DOCK5: variants seen among roughly 807,000 people sequenced by gnomAD.
DOCK5 encodes dedicator of cytokinesis 5, also known as dedicator of cytokinesis protein 5.
A neutral mutation model predicts 251.8 loss-of-function variants in DOCK5; 142 were observed. The observed-to-expected ratio is 0.56, with a 90% CI of 0.49 to 0.65. The LOEUF (loss-of-function observed/expected upper bound fraction) is 0.65. DOCK5 is among the 30% of genes least tolerant of loss of function. The pLI, the probability that DOCK5 is intolerant of heterozygous loss-of-function variation, is 0.00. For missense variants in DOCK5, 2,111 were observed against 2,312.3 expected, an observed-to-expected ratio of 0.91 and a Z score of 1.79; for synonymous variants, 842 against 835.5, an observed-to-expected ratio of 1.01 and a Z score of -0.13.
At chr8:25,380,472 G>T in intron 39 of DOCK5, 78 bp downstream of exon 39, 3 of 1,246,232 alleles carry the variant, frequency 2.4e-6, no homozygotes, top group African/African-American at 3.0e-5. Context: ...TCCGTAAGTT[G>T]AAAGTCAGGA....
chr8:25,379,126 T>C (rs1801019327), intron 38 of DOCK5, among the ~76,000 whole-genome samples: 2 of 152,198 alleles, frequency 1.3e-5, no homozygotes, highest in African/African-American at 4.8e-5. Flanking sequence ...TGTTCAGCGG[T>C]GCACGTATAG....
chr8:25,314,108 CTTTTTTTTTTT>C (rs71214561), intron 13 of DOCK5, among the ~76,000 whole-genome samples: 1 of 115,246 alleles, frequency 8.7e-6, no homozygotes, highest in African/African-American at 3.4e-5. Context: ...GGACTCCCCT[CTTTTTTTTTTT>C]TTTTTTTTTG....
intron 1 of DOCK5, among the ~76,000 whole-genome samples, chr8:25,226,616 C>T (rs796632898): frequency 8.1e-5 from 12 of 147,436 alleles, no homozygotes; most frequent in African/African-American, 2.6e-4. Context: ...GAGAGAGTCT[C>T]GCTGTGTTCC....
chr8:25,276,737 A>G (rs761548906), intron 4 of DOCK5, among the ~76,000 whole-genome samples: 9 of 152,176 alleles, frequency 5.9e-5, no homozygotes, highest in Non-Finnish European at 7.3e-5. Flanking sequence ...TAGAATGGCA[A>G]TTCCACTTAA....
intron 2 of DOCK5, among the ~76,000 whole-genome samples, chr8:25,255,439 A>G (rs1606035): frequency 0.17 from 25,559 of 152,158 alleles, 2,361 homozygotes; most frequent in Admixed American, 0.25. Context: ...AAAAGAGTCA[A>G]TCCACATGAT....
intron 17 of DOCK5, 119 bp downstream of exon 17, chr8:25,324,070 A>G (rs1001775304): frequency 5.2e-6 from 6 of 1,158,494 alleles, no homozygotes; most frequent in Non-Finnish European, 7.2e-6. Context: ...GTACTTGCCC[A>G]TTAACATCTA....
At chr8:25,338,847 G>A (rs1037673808) in intron 22 of DOCK5, among the ~76,000 whole-genome samples, 1 of 152,234 alleles carries the variant, frequency 6.6e-6, no homozygotes, top group South Asian at 2.1e-4. Flanking sequence ...ATTTTCTTAT[G>A]GATGGTTCAC....
At chr8:25,384,464 T>TTTA (rs1554504700) in intron 40 of DOCK5, among the ~76,000 whole-genome samples, 2 of 81,180 alleles carry the variant, frequency 2.5e-5, no homozygotes, top group African/African-American at 7.5e-5. Context: ...TATTTATTTA[T>TTTA]TTTTTTTTTT....
intron 40 of DOCK5, among the ~76,000 whole-genome samples, chr8:25,387,617 A>C (rs1346395833): frequency 6.6e-6 from 1 of 151,946 alleles, no homozygotes; most frequent in Non-Finnish European, 1.5e-5. Context: ...GCCTTCCAGA[A>C]CCTCCAGTGA....
Position 25,390,171 on chromosome 8 carries a change from C to T in DOCK5, c.4274-35C>T, listed in dbSNP as rs1194261739. On this transcript the variant is annotated intron_variant, in intron 41 of 51. Transcript: ENST00000276440. ...GTTTGGTGTCTGACACCTTCACGAC[C>T]CCAGCCCCTCTCCTTTCCTTAACGA... is the stretch of plus-strand genomic sequence containing the variant. 5 of 1,548,266 alleles carry T rather than the reference C, an allele frequency of 3.2e-6. No individual in the cohort carries two copies. The East Asian group carries it at 1.2e-4, about 37-fold the overall frequency.
At chr8:25,307,452 C>G (rs1379598928) in intron 11 of DOCK5, among the ~76,000 whole-genome samples, 3 of 152,046 alleles carry the variant, frequency 2.0e-5, no homozygotes, top group East Asian at 1.9e-4. Flanking sequence ...CCATGGTCAT[C>G]TAGGCAGTCT....
chr8:25,351,128 G>A (rs1378600155), intron 26 of DOCK5, among the ~76,000 whole-genome samples: 2 of 152,056 alleles, frequency 1.3e-5, no homozygotes, highest in African/African-American at 4.8e-5. Flanking sequence ...CGTGATCTCA[G>A]CTCACTGCAA....
intron 38 of DOCK5, 115 bp from the exon 39 acceptor site, chr8:25,380,190 G>C (rs766259066): frequency 4.7e-6 from 4 of 844,970 alleles, no homozygotes; most frequent in Non-Finnish European, 7.6e-6. Flanking sequence ...AATATCTACC[G>C]AAACTCAATC....
rs561779499 is a variant in DOCK5, at chr8:25,332,929, A to G, written c.2091+237A>G. ...TTTGATATGCTCTTTCTCATTAGAG[A>G]AGATAAGATGTTTTATTTTTATTAG... On this transcript the variant is annotated intron_variant, in intron 20 of 51. Transcript: ENST00000276440. 2.8e-3 allele frequency among the ~76,000 whole-genome samples: 421 copies of G among 152,234 alleles called. 1 individual carries two copies. Among genetic ancestry groups the G allele is most frequent in the African/African-American group, 9.7e-3 (404 of 41,516 alleles).
At chr8:25,271,034 T>A in intron 3 of DOCK5, 1 of 439,988 alleles carries the variant, frequency 2.3e-6, no homozygotes, top group Non-Finnish European at 4.0e-6. Context: ...TTTTTAATCA[T>A]CAGTTGGTTG....
At chr8:25,401,535 C>A (rs1167966880) in intron 47 of DOCK5, among the ~76,000 whole-genome samples, 1 of 152,128 alleles carries the variant, frequency 6.6e-6, no homozygotes, top group East Asian at 1.9e-4. Flanking sequence ...GAGTTCGAGA[C>A]CAGCCTGGCC....
At chr8:25,290,271 T>C (rs2117148533) in intron 5 of DOCK5, among the ~76,000 whole-genome samples, 1 of 152,254 alleles carries the variant, frequency 6.6e-6, no homozygotes, top group South Asian at 2.1e-4. Flanking sequence ...AGAAGAATTG[T>C]CCACATATGA....
At chr8:25,237,941 G>A (rs1802843772) in intron 1 of DOCK5, among the ~76,000 whole-genome samples, 1 of 152,206 alleles carries the variant, frequency 6.6e-6, no homozygotes, top group Non-Finnish European at 1.5e-5. Flanking sequence ...GTAAAGTTGA[G>A]TCTTGAATCC....
At chr8:25,409,345 A>G (rs938922157) in intron 50 of DOCK5, 16 of 205,208 alleles carry the variant, frequency 7.8e-5, no homozygotes, top group Non-Finnish European at 1.2e-4. Context: ...GAAGAATTGC[A>G]AAGTACCCAT....
Sources: allele counts gnomAD v4.1 joint callset (sites outside exome capture counted in the v4.1 genomes callset), GRCh38; gene constraint gnomAD v4.1.1; transcripts MANE v1.5; gene names NCBI Gene and HGNC (gene_info 2026-07-23, HGNC 2026-07-21).